The following TMX3 variants were observed in gnomAD, a reference collection of about 807,000 sequenced individuals.
TMX3 encodes protein disulfide-isomerase TMX3.
TMX3 carries 40 observed loss-of-function variants against 64.4 expected under a neutral mutation model. The ratio of observed to expected loss-of-function variants is 0.62; its 90% CI spans 0.48 to 0.81. The LOEUF (loss-of-function observed/expected upper bound fraction) is 0.81, where lower values mean the gene tolerates loss of function less well. Among genes scored for constraint, TMX3 ranks in the 30% least tolerant of loss-of-function variants. The probability of loss-of-function intolerance (pLI) is 0.00; values close to 1 mark genes in which losing one functional copy is unlikely to be tolerated. For synonymous variants in TMX3, 189 were observed against 175.7 expected (o/e 1.08, Z -0.60); for missense variants, 497 against 534.5 (o/e 0.93, Z 0.69).
At position 68,713,863 on chromosome 18, in the gene TMX3, T is replaced by A; in HGVS notation, c.84A>T (p.Val28=). 6.4e-7 allele frequency: 1 copy of A among 1,570,364 alleles called. No individual in the cohort carries two copies. The highest frequency in any genetic ancestry group is 8.7e-7 in the Non-Finnish European group (1 of 1,148,024). ...ATACTCACGATTCATCTAAATCTTC[T>A]ACAAATCCTTTACAGACGACCATAT... ...VLDMVVCKGF[V]EDLDESFKEN... Residue 28 remains valine, a synonymous_variant, in exon 2 of 16, where the codon GTA becomes GTT. Coordinates refer to ENST00000299608, the MANE Select transcript of TMX3 (RefSeq NM_019022.5).
chr18:68,700,469 C>T lies in TMX3; in HGVS notation c.328G>A (p.Ala110Thr). ...PTIKLLKGDLAYNYRGPRTKD... is the reference protein window; with the variant it reads ...PTIKLLKGDLTYNYRGPRTKD... ...GTTCGTGGTCCTCTATAATTATATG[C>T]CAAGTCCCCTTTTAATCTTTAAAAA... The change falls in exon 6 of 16, where the codon GCA (alanine) becomes ACA (threonine). Residue 110 changes from alanine to threonine, a missense_variant. Ala to Thr is a moderately conservative substitution (Grantham distance 58). Coordinates refer to ENST00000299608, the MANE Select transcript of TMX3 (RefSeq NM_019022.5). The T allele has an allele frequency of 1.9e-6, 3 of 1,558,074 alleles. No individual in the cohort carries two copies. Among genetic ancestry groups the T allele is most frequent in the Non-Finnish European group, 1.7e-6 (2 of 1,154,646 alleles).
intron 7 of TMX3, 84 bp from the exon 8 acceptor site, chr18:68,697,387 T>A: frequency 1.5e-6 from 1 of 684,856 alleles, no homozygotes; most frequent in Non-Finnish European, 2.4e-6. Context: ...AGAGTTACCT[T>A]ATGTAGTAAG....
intron 8 of TMX3, among the ~76,000 whole-genome samples, chr18:68,693,583 C>T (rs1270738535): frequency 2.0e-5 from 3 of 152,158 alleles, no homozygotes; most frequent in East Asian, 1.9e-4. Context: ...CTTGGCGCGG[C>T]GCTGACGTGC....
intron 4 of TMX3, among the ~76,000 whole-genome samples, chr18:68,703,228 C>T (rs1414747854): frequency 1.3e-5 from 2 of 152,148 alleles, no homozygotes; most frequent in East Asian, 3.9e-4. Flanking sequence ...GAAATAAAAT[C>T]CCTTATTACC....
At chr18:68,697,414 T>G in intron 7 of TMX3, 111 bp from the exon 8 acceptor site, 1 of 520,552 alleles carries the variant, frequency 1.9e-6, no homozygotes, top group Non-Finnish European at 3.4e-6. Flanking sequence ...CACCTTAATG[T>G]GCTACCTTAC....
intron 14 of TMX3, 74 bp downstream of exon 14, chr18:68,680,907 C>T: frequency 7.3e-7 from 1 of 1,376,286 alleles, no homozygotes; most frequent in Non-Finnish European, 9.6e-7. Context: ...TTCAGAATCA[C>T]AAGTAAAGAA....
rs146024837 is a variant in TMX3, at chr18:68,711,802, G to C, written c.102-399C>G. On this transcript the variant is annotated intron_variant, in intron 2 of 15. Coordinates refer to ENST00000299608, the MANE Select transcript of TMX3 (RefSeq NM_019022.5). ...TTGGCATCTGGGAACTTGGATTTTAGAAGTGTTCTCACCATTTCCTGGTAA... is the reference window on the plus strand; with the variant it reads ...TTGGCATCTGGGAACTTGGATTTTACAAGTGTTCTCACCATTTCCTGGTAA... 2.7e-3 allele frequency among the ~76,000 whole-genome samples: 413 copies of C among 152,278 alleles called. 1 individual carries two copies. Among genetic ancestry groups the C allele is most frequent in the African/African-American group, 9.7e-3 (402 of 41,542 alleles).
intron 10 of TMX3, among the ~76,000 whole-genome samples, chr18:68,684,939 T>C (rs1387074076): frequency 6.6e-6 from 1 of 152,212 alleles, no homozygotes; most frequent in Non-Finnish European, 1.5e-5. Context: ...GGTTTTTACA[T>C]GGCCGTTGAC....
At position 68,675,536 on chromosome 18, in the gene TMX3, G is replaced by A. The variant is rs544822795; in HGVS notation, c.*1397C>T. 1.3e-3 allele frequency: 194 copies of A among 152,168 alleles called. No homozygotes were observed. Among genetic ancestry groups the A allele is most frequent in the African/African-American group, 4.2e-3 (176 of 41,528 alleles). The allele number at this position is 152,168 out of a possible 1,614,324, so 9.4% of individuals were successfully genotyped here. On this transcript the variant is annotated 3_prime_UTR_variant, in exon 16 of 16. Coordinates refer to ENST00000299608, the MANE Select transcript of TMX3 (RefSeq NM_019022.5). The stretch of plus-strand genomic sequence containing the variant: ...CTTGATGACTAAATCCCTAAACAAC[G>A]TCAGTGTCCAGACCATGAATTACAT...
chr18:68,677,375 T>C (rs1253377016), intron 15 of TMX3, among the ~76,000 whole-genome samples, 182 bp from the exon 16 acceptor site: 2 of 152,306 alleles, frequency 1.3e-5, no homozygotes, highest in Middle Eastern at 3.4e-3. Flanking sequence ...ATATAATTTC[T>C]ATATGCACAT....
chr18:68,694,580 G>A (rs1425058380), intron 8 of TMX3, among the ~76,000 whole-genome samples: 1 of 152,164 alleles, frequency 6.6e-6, no homozygotes, highest in Non-Finnish European at 1.5e-5. Context: ...AGCCTGCCAG[G>A]CTGAGTGGGT....
rs1229717053 is a variant in TMX3, at chr18:68,698,059, CTT to C, written c.393-30_393-29del. The C allele has an allele frequency of 5.4e-6, 8 of 1,489,324 alleles. No individual in the cohort carries two copies. The South Asian group carries it at 5.8e-5, about 11-fold the overall frequency. The allele number at this position is 1,489,324 out of a possible 1,614,324, so 92.3% of individuals were successfully genotyped here. A position where few individuals can be genotyped will look rare whatever the true frequency, so the allele number is the denominator to read the frequency against. On this transcript the variant is annotated intron_variant, in intron 6 of 15. Coordinates refer to ENST00000299608, the MANE Select transcript of TMX3 (RefSeq NM_019022.5). ...GTTGCACAACAAAACAAAAAACAAA[CTT>C]GAATTATAAACTAAAGTACATAATT...
Position 68,710,160 on chromosome 18 carries a change from CAA to C in TMX3, c.142-18_142-17del. On this transcript the variant is annotated splice_polypyrimidine_tract_variant and intron_variant, in intron 3 of 15. Coordinates refer to ENST00000299608, the MANE Select transcript of TMX3 (RefSeq NM_019022.5). Reference sequence around the variant, plus strand: ...GCGCATAAAACTTGTTTTAAAAAAACAAACAACAAACAAAAAAAGATAACCAT... The same window carrying C: ...GCGCATAAAACTTGTTTTAAAAAAACACAACAAACAAAAAAAGATAACCAT... 6.6e-7 allele frequency: 1 copy of C among 1,505,006 alleles called. No homozygotes were observed. The highest frequency in any genetic ancestry group is 1.4e-5 in the South Asian group (1 of 73,570). 93.2% of individuals were successfully genotyped at this position (1,505,006 alleles called of 1,614,324 possible).
intron 9 of TMX3, chr18:68,689,707 C>A (rs1012856328): frequency 6.6e-6 from 1 of 152,140 alleles, no homozygotes; most frequent in Non-Finnish European, 1.5e-5. Context: ...TTCAAATACA[C>A]AAGTTTCTCT....
chr18:68,687,854 C>T (rs991549403), intron 9 of TMX3, 89 bp from the exon 10 acceptor site: 4 of 885,632 alleles, frequency 4.5e-6, no homozygotes, highest in Admixed American at 2.8e-5. Flanking sequence ...GTATAAAACG[C>T]CTGACAGAGA....
Position 68,700,896 on chromosome 18 carries a change from T to C in TMX3, c.312-411A>G, listed in dbSNP as rs2029994100. 9.1e-6 allele frequency: 9 copies of C among 984,806 alleles called. No individual in the cohort carries two copies. The South Asian group carries it at 2.3e-4, about 26-fold the overall frequency. 61.0% of individuals were successfully genotyped at this position (984,806 alleles called of 1,614,324 possible). On this transcript the variant is annotated intron_variant, in intron 5 of 15. Coordinates refer to ENST00000299608, the MANE Select transcript of TMX3 (RefSeq NM_019022.5). ...AAAACAAATGTTAAGCAATACAACA[T>C]GACAGTTACTTGATGCTCCAACATT...
chr18:68,697,260 T>C lies in TMX3; in HGVS notation c.536A>G (p.Tyr179Cys). 6.3e-7 allele frequency: 1 copy of C among 1,584,676 alleles called. No individual in the cohort carries two copies. Among genetic ancestry groups the C allele is most frequent in the Non-Finnish European group, 8.6e-7 (1 of 1,163,748 alleles). The change falls in exon 8 of 16, where the codon TAC becomes TGC. Residue 179 changes from tyrosine (Y) to cysteine (C), a missense_variant. Coordinates refer to ENST00000299608, the MANE Select transcript of TMX3 (RefSeq NM_019022.5). ...DAASELIVYT[Y>C]FFSASEEVVP... ...CACTTCTTCTGAGGCAGAAAAGAAG[T>C]ATGTATATACAATCAATTCTGAAGC...
In TMX3 at chr18:68,713,779, T is replaced by G. The variant is rs540234800; in HGVS notation, c.101+67A>C. ...TCCAATCTAAAATATTAGAATCACA[T>G]GCAAATATTCAGATATCTGAGTTGG... On this transcript the variant is annotated intron_variant, in intron 2 of 15. Coordinates refer to ENST00000299608, the MANE Select transcript of TMX3 (RefSeq NM_019022.5). 2.6e-4 allele frequency: 208 copies of G among 792,524 alleles called. No homozygotes were observed. In the African/African-American group the frequency reaches 3.5e-3, roughly 13 times the overall value. The allele number at this position is 792,524 out of a possible 1,614,324, so 49.1% of individuals were successfully genotyped here.
chr18:68,706,516 T>G (rs1332332577), intron 4 of TMX3: 1 of 152,202 alleles, frequency 6.6e-6, no homozygotes, highest in Non-Finnish European at 1.5e-5. Flanking sequence ...TGTTCACCAG[T>G]AGGACTGGTG....
Sources: gnomAD v4.1 joint callset for allele counts (sites outside exome capture counted in the v4.1 genomes callset) on GRCh38, gnomAD v4.1.1 for gene constraint, MANE v1.5 for transcripts, NCBI Gene and HGNC (gene_info 2026-07-23, HGNC 2026-07-21) for gene names.